ADISSP: variants seen among roughly 807,000 people sequenced by gnomAD.
The protein encoded by ADISSP is adipose secreted signaling protein.
the ADISSP span, among the ~76,000 whole-genome samples, chr20:3,761,349 T>G: frequency 1.3e-5 from 2 of 151,606 alleles, no homozygotes; most frequent in Non-Finnish European, 2.9e-5. Flanking sequence ...TTTTTTTTTT[T>G]TCTGAGACGG....
At chr20:3,754,613 G>T in the ADISSP span, 7 of 1,323,646 alleles carry the variant, frequency 5.3e-6, no homozygotes, top group Non-Finnish European at 5.4e-6. Flanking sequence ...ACCATGGGGG[G>T]ACTGCATGCT....
chr20:3,766,127 C>G, the ADISSP span, among the ~76,000 whole-genome samples: 1 of 152,354 alleles, frequency 6.6e-6, no homozygotes, highest in Admixed American at 6.5e-5. Context: ...TCTCCTACCC[C>G]AGCCTGGGGC....
At chr20:3,761,330 G>GT in the ADISSP span, among the ~76,000 whole-genome samples, 766 of 135,840 alleles carry the variant, frequency 5.6e-3, 5 homozygotes, top group Non-Finnish European at 6.9e-3. Flanking sequence ...ACCTGGTATG[G>GT]TTTTTGTTTT....
the ADISSP span, chr20:3,754,210 G>T: frequency 6.4e-7 from 1 of 1,559,112 alleles, no homozygotes; most frequent in Non-Finnish European, 8.8e-7. Flanking sequence ...CCCCACCCAT[G>T]CGGCCCACTA....
At chr20:3,753,964 AGAGGGGC>A in the ADISSP span, 2 of 945,868 alleles carry the variant, frequency 2.1e-6, no homozygotes, top group Non-Finnish European at 1.7e-6. Flanking sequence ...CCCACCCCAG[AGAGGGGC>A]GAGGAAGCCA....
chr20:3,758,494 G>A, the ADISSP span: 230 of 1,594,740 alleles, frequency 1.4e-4, no homozygotes, highest in African/African-American at 7.0e-4. This position sits in a 1 kb window ranked among gnomAD's most constrained non-coding sequence, Gnocchi z 5.5. Flanking sequence ...AGGCAGAGCC[G>A]GGGAGGGGAA....
chr20:3,766,945 TA>T, the ADISSP span, among the ~76,000 whole-genome samples: 4 of 152,024 alleles, frequency 2.6e-5, no homozygotes, highest in African/African-American at 4.8e-5. Context: ...GTCCAGAACC[TA>T]AATCCAGTCC....
the ADISSP span, among the ~76,000 whole-genome samples, chr20:3,765,962 G>C: frequency 1.3e-4 from 20 of 152,284 alleles, no homozygotes; most frequent in Non-Finnish European, 2.8e-4. Flanking sequence ...CAGGGTGCAG[G>C]AAGAGGAGCT....
At chr20:3,766,979 G>A in the ADISSP span, among the ~76,000 whole-genome samples, 6 of 152,266 alleles carry the variant, frequency 3.9e-5, no homozygotes, top group East Asian at 1.9e-4. Context: ...ACCACCGGGA[G>A]GGAGGTGCAG....
At chr20:3,767,095 CA>C in the ADISSP span, 1 of 152,294 alleles carries the variant, frequency 6.6e-6, no homozygotes, top group Non-Finnish European at 1.5e-5. Context: ...CTTGTCATCT[CA>C]GGGGGAGGGG....
chr20:3,755,202 C>T, the ADISSP span, among the ~76,000 whole-genome samples: 2 of 152,176 alleles, frequency 1.3e-5, no homozygotes, highest in East Asian at 1.9e-4. Flanking sequence ...ACCAGTTCCT[C>T]AGCAGCTCCC....
the ADISSP span, among the ~76,000 whole-genome samples, chr20:3,757,929 C>T: frequency 6.6e-6 from 1 of 152,058 alleles, no homozygotes; most frequent in Admixed American, 6.6e-5. Flanking sequence ...AAGGGCACTC[C>T]TGTTCAACTC....
chr20:3,766,661 G>A, the ADISSP span, among the ~76,000 whole-genome samples: 2 of 152,188 alleles, frequency 1.3e-5, no homozygotes, highest in African/African-American at 2.4e-5. Flanking sequence ...GATCCAGGGG[G>A]TCAGCCAAGG....
chr20:3,766,961 T>C, the ADISSP span, among the ~76,000 whole-genome samples: 1 of 152,002 alleles, frequency 6.6e-6, no homozygotes, highest in Non-Finnish European at 1.5e-5. Flanking sequence ...CAGTCCCTCC[T>C]CCTTCATACC....
chr20:3,756,316 A>G, the ADISSP span, among the ~76,000 whole-genome samples: 1 of 152,176 alleles, frequency 6.6e-6, no homozygotes, highest in South Asian at 2.1e-4. Context: ...GACCCAAGCA[A>G]TTTCTGTTGT....
At chr20:3,755,757 C>G in the ADISSP span, 1 of 577,004 alleles carries the variant, frequency 1.7e-6, no homozygotes, top group African/African-American at 2.2e-5. Context: ...TCCAGCTGAT[C>G]GACCCCCAGC....
chr20:3,755,657 G>A, the ADISSP span: 38,726 of 1,539,658 alleles, frequency 0.025, 1,776 homozygotes, highest in African/African-American at 0.2. Context: ...CCTGCTTCCC[G>A]CAGGCCCACC....
At chr20:3,753,746 G>A in the ADISSP span, 2 of 440,640 alleles carry the variant, frequency 4.5e-6, no homozygotes, top group South Asian at 4.7e-5. Context: ...GAGTCCCTGT[G>A]GCTTGGGGTG....
the ADISSP span, among the ~76,000 whole-genome samples, chr20:3,755,230 A>G: frequency 6.6e-6 from 1 of 152,156 alleles, no homozygotes; most frequent in African/African-American, 2.4e-5. Context: ...TTACTGCCCC[A>G]CGGAGGTAAC....
Sources: allele counts gnomAD v4.1 joint callset (sites outside exome capture counted in the v4.1 genomes callset), GRCh38; gene constraint gnomAD v4.1.1; non-coding constraint Gnocchi (gnomAD v3.1); transcripts MANE v1.5; gene names NCBI Gene and HGNC (gene_info 2026-07-23, HGNC 2026-07-21).